FAM76B: variants seen among roughly 807,000 people sequenced by gnomAD.
The protein encoded by FAM76B is protein FAM76B.
Under a neutral mutation model 51.8 loss-of-function variants are expected in FAM76B, and 16 were observed. The ratio of observed to expected loss-of-function variants is 0.31; its 90% CI spans 0.21 to 0.47. The LOEUF (loss-of-function observed/expected upper bound fraction) is 0.47. FAM76B is among the 20% of genes least tolerant of loss of function. The probability of loss-of-function intolerance (pLI) is 1.00; values close to 1 mark genes in which losing one functional copy is unlikely to be tolerated. For synonymous variants in FAM76B, 166 were observed against 129.5 expected (o/e 1.28, Z -1.91); for missense variants, 342 against 392.6 (o/e 0.87, Z 1.09).
intron 1 of FAM76B, 55 bp from the exon 2 acceptor site, chr11:95,788,618 T>G: frequency 6.5e-7 from 1 of 1,539,504 alleles, no homozygotes; most frequent in Non-Finnish European, 8.9e-7. Context: ...AAATCTCACT[T>G]TTCTGGTAGA....
Position 95,789,554 on chromosome 11 carries a change from G to A in FAM76B, c.-76C>T, listed in dbSNP as rs1455487976. ...TACGGAGAACCCGAGAGCCGCCGCC[G>A]CCCGGGCCGCGGGCTCCTCCTCCTC... On this transcript the variant is annotated 5_prime_UTR_variant, in exon 1 of 10. Coordinates refer to ENST00000358780, the MANE Select transcript of FAM76B (RefSeq NM_144664.5). 9 of 1,369,846 alleles carry A rather than the reference G, an allele frequency of 6.6e-6. No homozygotes were observed. In the East Asian group the frequency reaches 8.1e-5, roughly 12 times the overall value. The allele number at this position is 1,369,846 out of a possible 1,614,324, so 84.9% of individuals were successfully genotyped here.
At chr11:95,786,481 A>G in intron 3 of FAM76B, 1 of 490,626 alleles carries the variant, frequency 2.0e-6, no homozygotes. Context: ...TCATGTAACT[A>G]TTACTCTAAG....
At chr11:95,777,889 T>A (rs199648208) in intron 8 of FAM76B, among the ~76,000 whole-genome samples, 1 of 151,506 alleles carries the variant, frequency 6.6e-6, no homozygotes, top group East Asian at 1.9e-4. Context: ...ATACATTTGA[T>A]ACAGGTCAAA....
At position 95,783,195 on chromosome 11, in the gene FAM76B, G is replaced by T. The variant is rs779321950; in HGVS notation, c.433C>A (p.Gln145Lys). ...YKRVLQKTKE[Q>K]RKSLGSSHSN... ...TGTGAAGATCCCAGGCTCTTCCTTTGTTCTTTCGTCTTCTGTAAAACTCTT... is the reference window on the plus strand; with the variant it reads ...TGTGAAGATCCCAGGCTCTTCCTTTTTTCTTTCGTCTTCTGTAAAACTCTT... The change falls in exon 5 of 10, where the codon CAA becomes AAA. Residue 145 changes from glutamine (Q) to lysine (K), a missense_variant. Physicochemically the swap from Gln to Lys is moderately conservative, Grantham distance 53. This residue lies in a region of FAM76B where 230 missense variants were observed against 257.4 expected (regional missense o/e 0.89). Coordinates refer to ENST00000358780, the MANE Select transcript of FAM76B (RefSeq NM_144664.5). The T allele has an allele frequency of 3.1e-6, 5 of 1,613,884 alleles. No individual in the cohort carries two copies. The highest frequency in any genetic ancestry group is 4.2e-6 in the Non-Finnish European group (5 of 1,179,922).
chr11:95,786,103 C>T lies in FAM76B; in HGVS notation c.363+16G>A, dbSNP rs760701198. 1 of 1,589,146 alleles carries T rather than the reference C, an allele frequency of 6.3e-7. No homozygotes were observed. The highest frequency in any genetic ancestry group is 2.3e-5 in the East Asian group (1 of 44,366). On this transcript the variant is annotated intron_variant, in intron 4 of 9. Coordinates refer to ENST00000358780, the MANE Select transcript of FAM76B (RefSeq NM_144664.5). The stretch of plus-strand genomic sequence containing the variant: ...ATTTAATTTCCAGAAGATGTCATAA[C>T]ATAAATAAAGCATACCTTTCTTCTT...
chr11:95,788,634 G>T, intron 1 of FAM76B, 71 bp from the exon 2 acceptor site: 1 of 1,461,372 alleles, frequency 6.8e-7, no homozygotes, highest in African/African-American at 1.4e-5. Context: ...GTAGAAAACT[G>T]TTTACCCAAC....
At chr11:95,784,080 G>A (rs1365434282) in intron 4 of FAM76B, among the ~76,000 whole-genome samples, 5 of 152,122 alleles carry the variant, frequency 3.3e-5, no homozygotes, top group African/African-American at 4.8e-5. Context: ...AACATGGTAC[G>A]TATATACCAT....
At chr11:95,774,304 G>T (rs1859901940) in intron 9 of FAM76B, among the ~76,000 whole-genome samples, 1 of 151,324 alleles carries the variant, frequency 6.6e-6, no homozygotes, top group Admixed American at 6.6e-5. Context: ...GACAGCATAT[G>T]TAAAATCATG....
chr11:95,789,545 G>A lies in FAM76B; in HGVS notation c.-67C>T, dbSNP rs1289593649. The A allele has an allele frequency of 1.7e-5, 24 of 1,433,218 alleles. No individual in the cohort carries two copies. Among genetic ancestry groups the A allele is most frequent in the Non-Finnish European group, 1.9e-5 (20 of 1,059,182 alleles). The allele number at this position is 1,433,218 out of a possible 1,614,324, so 88.8% of individuals were successfully genotyped here. On this transcript the variant is annotated 5_prime_UTR_variant, in exon 1 of 10. Transcript: ENST00000358780. Reference sequence around the variant, plus strand: ...GCGGGGCCCTACGGAGAACCCGAGAGCCGCCGCCGCCCGGGCCGCGGGCTC... The same window carrying A: ...GCGGGGCCCTACGGAGAACCCGAGAACCGCCGCCGCCCGGGCCGCGGGCTC...
chr11:95,782,749 C>CA (rs1222047224), intron 5 of FAM76B, among the ~76,000 whole-genome samples: 1 of 151,796 alleles, frequency 6.6e-6, no homozygotes, highest in Non-Finnish European at 1.5e-5. Context: ...ATTATTTAAA[C>CA]AAAAAAAGAA....
chr11:95,769,435 G>A lies in FAM76B; in HGVS notation c.*2126C>T, dbSNP rs1411260465. On this transcript the variant is annotated 3_prime_UTR_variant, in exon 10 of 10. Coordinates refer to ENST00000358780, the MANE Select transcript of FAM76B (RefSeq NM_144664.5). ...GGGTTTTAGCCTTGGAATTTACAAA[G>A]CTAAATTATTAGACTGTTAATGTTA... The A allele has an allele frequency of 1.3e-5, 2 of 152,204 alleles. No individual in the cohort carries two copies. The highest frequency in any genetic ancestry group is 4.8e-5 in the African/African-American group (2 of 41,382). The allele number at this position is 152,204 out of a possible 1,614,324, so 9.4% of individuals were successfully genotyped here. A position where few individuals can be genotyped will look rare whatever the true frequency, so the allele number is the denominator to read the frequency against.
intron 9 of FAM76B, among the ~76,000 whole-genome samples, chr11:95,773,722 A>C (rs942964746): frequency 1.3e-5 from 2 of 151,458 alleles, no homozygotes; most frequent in African/African-American, 4.8e-5. Context: ...TTCCTGGTAC[A>C]CAGAAGGCAC....
rs1414596778 is a variant in FAM76B, at chr11:95,769,757, G to A, written c.*1804C>T. On this transcript the variant is annotated 3_prime_UTR_variant, in exon 10 of 10. Transcript: ENST00000358780. ...TGTTAAGGCATTATCTATCATGGTT[G>A]AGAGTACTAAATTTAAGAAAATTAT... is the stretch of plus-strand genomic sequence containing the variant. The A allele has an allele frequency of 6.6e-6, 1 of 151,544 alleles. No individual in the cohort carries two copies. Among genetic ancestry groups the A allele is most frequent in the East Asian group, 1.9e-4 (1 of 5,182 alleles). 9.4% of individuals were successfully genotyped at this position (151,544 alleles called of 1,614,324 possible). A position where few individuals can be genotyped will look rare whatever the true frequency, so the allele number is the denominator to read the frequency against.
chr11:95,788,562 T>C lies in FAM76B; in HGVS notation c.89A>G (p.Glu30Gly), dbSNP rs199671299. Reference sequence around the variant, plus strand: ...TACAATAGGATGTGCAATCCGACATTCCTGTAATAAGACAATACATTAGTC... The same window carrying C: ...TACAATAGGATGTGCAATCCGACATCCCTGTAATAAGACAATACATTAGTC... The part of the protein sequence containing the change: ...ELSQGQQLCK[E>G]CRIAHPIVKC... Residue 30 changes from glutamate (E) to glycine (G), a missense_variant and splice_region_variant, in exon 2 of 10, where the codon GAA becomes GGA. By Grantham distance (98) the Glu-to-Gly change is moderately conservative. This residue lies in a region of FAM76B where 96 missense variants were observed against 94.7 expected (regional missense o/e 1.01). Transcript: ENST00000358780. 1.5e-5 allele frequency: 24 copies of C among 1,611,752 alleles called. No individual in the cohort carries two copies. The highest frequency in any genetic ancestry group is 8.5e-7 in the Non-Finnish European group (1 of 1,178,924).
Position 95,783,089 on chromosome 11 carries a change from T to C in FAM76B, c.539A>G (p.His180Arg), listed in dbSNP as rs1206769663. The C allele has an allele frequency of 1.9e-6, 3 of 1,613,814 alleles. No homozygotes were observed. The African/African-American group carries it at 4.0e-5, about 22-fold the overall frequency. Reference protein sequence around the residue: ...KHHHHHHHHHHRHSSSHHKIS... With the variant: ...KHHHHHHHHHRRHSSSHHKIS... The stretch of plus-strand genomic sequence containing the variant: ...CTTGTGATGGCTACTGCTGTGACGA[T>C]GGTGATGGTGATGATGGTGGTGATG... The change falls in exon 5 of 10, where the codon CAT (histidine) becomes CGT (arginine). Residue 180 changes from histidine to arginine, a missense_variant. Transcript: ENST00000358780.
chr11:95,777,567 A>G (rs540341648), intron 8 of FAM76B, among the ~76,000 whole-genome samples: 92 of 151,408 alleles, frequency 6.1e-4, no homozygotes, highest in Non-Finnish European at 1.2e-3. Flanking sequence ...ACAAATTTCC[A>G]TAAAGGCTCA....
chr11:95,789,567 GCTCCTC>G lies in FAM76B; in HGVS notation c.-95_-90del, dbSNP rs965171880. The G allele has an allele frequency of 6.1e-5, 75 of 1,223,398 alleles. No individual in the cohort carries two copies. Among genetic ancestry groups the G allele is most frequent in the Non-Finnish European group, 7.8e-5 (69 of 879,440 alleles). 75.8% of individuals were successfully genotyped at this position (1,223,398 alleles called of 1,614,324 possible). A position where few individuals can be genotyped will look rare whatever the true frequency, so the allele number is the denominator to read the frequency against. On this transcript the variant is annotated 5_prime_UTR_variant, in exon 1 of 10. Transcript: ENST00000358780. ...AGAGCCGCCGCCGCCCGGGCCGCGG[GCTCCTC>G]CTCCTCCCCCTCCCCCTGCCTCGCG...
chr11:95,779,704 A>G lies in FAM76B; in HGVS notation c.612-17T>C, dbSNP rs1860169780. 6.2e-7 allele frequency: 1 copy of G among 1,604,860 alleles called. No homozygotes were observed. The highest frequency in any genetic ancestry group is 1.1e-5 in the South Asian group (1 of 89,270). The stretch of plus-strand genomic sequence containing the variant: ...GATTTATGGCTGAAACCAAACATTA[A>G]TAAGAATAGTTAGAGTAAAAAGGAC... On this transcript the variant is annotated splice_polypyrimidine_tract_variant and intron_variant, in intron 6 of 9. Coordinates refer to ENST00000358780, the MANE Select transcript of FAM76B (RefSeq NM_144664.5).
intron 5 of FAM76B, among the ~76,000 whole-genome samples, chr11:95,781,280 A>T (rs1450822233): frequency 2.0e-5 from 3 of 151,766 alleles, no homozygotes; most frequent in Non-Finnish European, 4.4e-5. Context: ...CACATCCCCT[A>T]CCCCTGCCGA....
Sources: allele counts gnomAD v4.1 joint callset (sites outside exome capture counted in the v4.1 genomes callset), GRCh38; gene constraint gnomAD v4.1.1; regional missense constraint gnomAD v4.1.1; transcripts MANE v1.5; gene names NCBI Gene and HGNC (gene_info 2026-07-23, HGNC 2026-07-21).